The following RET variants were observed in gnomAD, a reference collection of about 807,000 sequenced individuals.
RET encodes ret proto-oncogene.
A neutral mutation model predicts 118.3 loss-of-function variants in RET; 19 were observed. The ratio of observed to expected loss-of-function variants is 0.16; its 90% CI spans 0.11 to 0.24. RET has a LOEUF of 0.24. Among genes scored for constraint, RET ranks in the 10% least tolerant of loss-of-function variants. The pLI is 1.00. For missense variants in RET, 1,219 were observed against 1,502.1 expected (o/e 0.81, Z 3.12); for synonymous variants, 597 against 644.1 (o/e 0.93, Z 1.11).
chr10:43,107,173 CTGTGT>C (rs1270345546), intron 5 of RET, among the ~76,000 whole-genome samples: 2 of 152,336 alleles, frequency 1.3e-5, no homozygotes, highest in East Asian at 3.9e-4. Flanking sequence ...CATTTGGGGT[CTGTGT>C]CTGGTGGAAC....
chr10:43,094,792 T>C (rs2505540), intron 1 of RET, among the ~76,000 whole-genome samples: 50,430 of 152,184 alleles, frequency 0.33, 8,857 homozygotes, highest in South Asian at 0.41. Context: ...CATGTGCTTG[T>C]TAGAGCCCTA....
In RET at chr10:43,114,901, GTC is replaced by G. The variant is rs1316994641; in HGVS notation, c.2136+167_2136+168del. On this transcript the variant is annotated intron_variant, in intron 11 of 19. Transcript: ENST00000355710. This position sits in a 1 kb window ranked among gnomAD's most constrained non-coding sequence, Gnocchi z 4.6. Reference sequence around the variant, plus strand: ...TTCCATAGGGCGCTGTGTGGGGACAGTCTGTGGGGTGGGACTGTGATGAGGTG... The same window carrying G: ...TTCCATAGGGCGCTGTGTGGGGACAGTGTGGGGTGGGACTGTGATGAGGTG... Among the ~76,000 whole-genome samples, 2 of 152,182 alleles carry G rather than the reference GTC, an allele frequency of 1.3e-5. No individual in the cohort carries two copies. The highest frequency in any genetic ancestry group is 4.8e-5 in the African/African-American group (2 of 41,452).
rs140188012 is a variant in RET, at chr10:43,120,583, C to T, written c.2730+380C>T. On this transcript the variant is annotated intron_variant, in intron 15 of 19. Transcript: ENST00000355710. ...AAGGGTGGGATGAAATTAGCAGGATCGTCATTCTTTGCAAAAAGGAATGAA... is the reference window on the plus strand; with the variant it reads ...AAGGGTGGGATGAAATTAGCAGGATTGTCATTCTTTGCAAAAAGGAATGAA... Among the ~76,000 whole-genome samples the T allele has an allele frequency of 7.0e-4, 107 of 152,376 alleles. 1 individual carries two copies. The highest frequency in any genetic ancestry group is 3.4e-3 in the Middle Eastern group (1 of 294).
intron 1 of RET, among the ~76,000 whole-genome samples, chr10:43,082,124 G>A (rs890939046): frequency 1.3e-5 from 2 of 152,168 alleles, no homozygotes; most frequent in African/African-American, 2.4e-5. Flanking sequence ...CATGAAGCCT[G>A]TGGGTCCCTG....
Position 43,105,139 on chromosome 10 carries a change from C to T in RET, c.813C>T (p.Thr271=). 3 of 1,612,740 alleles carry T rather than the reference C, an allele frequency of 1.9e-6. No homozygotes were observed. The highest frequency in any genetic ancestry group is 2.5e-6 in the Non-Finnish European group (3 of 1,179,858). ...ACGACGAGGACGACTCGGCGCCCAC[C>T]TTCCCCGCGGGCGTCGACACCGCCA... is the stretch of plus-strand genomic sequence containing the variant. ...TVYDEDDSAP[T]FPAGVDTASA... Residue 271 remains threonine (T), a synonymous_variant, in exon 4 of 20, where the codon ACC becomes ACT. Coordinates refer to ENST00000355710, the MANE Select transcript of RET (RefSeq NM_020975.6).
At chr10:43,109,277 G>A (rs1202257313) in intron 6 of RET, 47 bp downstream of exon 6, 1 of 1,580,008 alleles carries the variant, frequency 6.3e-7, no homozygotes, top group East Asian at 2.3e-5. Flanking sequence ...AAAGGCCAAG[G>A]GACATGGGGG....
chr10:43,109,858 G>T (rs1020733944), intron 6 of RET, among the ~76,000 whole-genome samples: 1 of 152,234 alleles, frequency 6.6e-6, no homozygotes, highest in Non-Finnish European at 1.5e-5. Flanking sequence ...CGCCAGTGTT[G>T]CACATCGTGG....
At chr10:43,108,081 A>C (rs1453261150) in intron 5 of RET, among the ~76,000 whole-genome samples, 1 of 152,030 alleles carries the variant, frequency 6.6e-6, no homozygotes, top group Non-Finnish European at 1.5e-5. Flanking sequence ...ATAGTGGCTC[A>C]CGCCTGTAAT....
At chr10:43,096,532 T>TA (rs1837526059) in intron 1 of RET, among the ~76,000 whole-genome samples, 1 of 152,200 alleles carries the variant, frequency 6.6e-6, no homozygotes, top group South Asian at 2.1e-4. Context: ...CTCATGATGA[T>TA]ACACCCCTGT....
intron 6 of RET, among the ~76,000 whole-genome samples, chr10:43,110,458 C>T (rs1257694847): frequency 6.6e-6 from 1 of 152,142 alleles, no homozygotes; most frequent in Non-Finnish European, 1.5e-5. Context: ...GCCCCCATCT[C>T]GCCATCTGTG....
Position 43,120,188 on chromosome 10 carries a change from C to T in RET, c.2715C>T (p.Tyr905=), listed in dbSNP as rs755023496. The T allele has an allele frequency of 1.7e-5, 27 of 1,612,818 alleles. No individual in the cohort carries two copies. The highest frequency in any genetic ancestry group is 2.2e-5 in the East Asian group (1 of 44,902). ...GAGATGTTTATGAAGAGGATTCCTA[C>T]GTGAAGAGGAGCCAGGTGCCCAGTC... The part of the protein sequence containing the change: ...LSRDVYEEDS[Y]VKRSQGRIPV... The change falls in exon 15 of 20, where the codon TAC becomes TAT. Residue 905 remains tyrosine (Y), a synonymous_variant. Coordinates refer to ENST00000355710, the MANE Select transcript of RET (RefSeq NM_020975.6).
rs754481151 is a variant in RET at position 43,111,235 on chromosome 10, A to G, written c.1292A>G (p.Gln431Arg). 6.2e-7 allele frequency: 1 copy of G among 1,614,094 alleles called. No homozygotes were observed. Among genetic ancestry groups the G allele is most frequent in the Non-Finnish European group, 8.5e-7 (1 of 1,180,030 alleles). ...QIGKVCVENC[Q>R]AFSGINVQYK... ...GGGAAAGTCTGTGTGGAAAACTGCC[A>G]GGCATTCAGTGGCATCAACGTCCAG... The change falls in exon 7 of 20, where the codon CAG (glutamine) becomes CGG (arginine). Residue 431 changes from glutamine to arginine, a missense_variant. Transcript: ENST00000355710.
intron 19 of RET, 130 bp from the exon 20 acceptor site, chr10:43,127,982 C>A: frequency 1.1e-6 from 1 of 915,940 alleles, no homozygotes. Flanking sequence ...AACACAAAAC[C>A]ATTAATATAA....
intron 2 of RET, among the ~76,000 whole-genome samples, chr10:43,102,003 G>T (rs1837651275): frequency 7.4e-6 from 1 of 134,324 alleles, no homozygotes; most frequent in African/African-American, 2.5e-5. Context: ...CCTGAGGAGG[G>T]TGTGGCAGGG....
chr10:43,081,847 C>T (rs1243952956), intron 1 of RET, among the ~76,000 whole-genome samples: 1 of 152,196 alleles, frequency 6.6e-6, no homozygotes, highest in Non-Finnish European at 1.5e-5. Flanking sequence ...GATTCTTTGT[C>T]CCCTGAGGCA....
chr10:43,107,600 CA>C (rs1837813749), intron 5 of RET, among the ~76,000 whole-genome samples: 3 of 147,612 alleles, frequency 2.0e-5, no homozygotes, highest in African/African-American at 7.4e-5. Flanking sequence ...CACACACACA[CA>C]CCCTGTTACC....
intron 1 of RET, 74 bp from the exon 2 acceptor site, chr10:43,100,385 A>AGGT: frequency 6.8e-7 from 1 of 1,465,070 alleles, no homozygotes; most frequent in East Asian, 2.3e-5. Flanking sequence ...TTTTAAATTA[A>AGGT]TGATTTTTTT....
Position 43,105,077 on chromosome 10 carries a change from G to A in RET, c.751G>A (p.Glu251Lys), listed in dbSNP as rs562449603. 1.2e-6 allele frequency: 2 copies of A among 1,611,056 alleles called. No individual in the cohort carries two copies. The highest frequency in any genetic ancestry group is 1.7e-5 in the Admixed American group (1 of 59,974). ...GTGCACCGTGCACGCCGGCGCGCGC[G>A]AGGAGGTGGTGATGGTGCCCTTCCC... is the stretch of plus-strand genomic sequence containing the variant. ...AVCTVHAGAR[E>K]EVVMVPFPVT... is the part of the protein sequence containing the mutation. The change falls in exon 4 of 20, where the codon GAG becomes AAG. Residue 251 changes from glutamate (E) to lysine (K), a missense_variant. Glu to Lys is a moderately conservative substitution (Grantham distance 56). This residue lies in a region of RET where 850 missense variants were observed against 969.6 expected (regional missense o/e 0.88). Transcript: ENST00000355710.
chr10:43,121,689 C>T (rs1029389518), intron 15 of RET, among the ~76,000 whole-genome samples: 6 of 152,206 alleles, frequency 3.9e-5, no homozygotes, highest in African/African-American at 1.4e-4. Context: ...ACCAGCAGGC[C>T]TGTGGCATGT....
Sources: allele counts gnomAD v4.1 joint callset (sites outside exome capture counted in the v4.1 genomes callset), GRCh38; gene constraint gnomAD v4.1.1; regional missense constraint gnomAD v4.1.1; non-coding constraint Gnocchi (gnomAD v3.1); transcripts MANE v1.5; gene names NCBI Gene and HGNC (gene_info 2026-07-23, HGNC 2026-07-21).